PGAP1: variants seen among roughly 807,000 people sequenced by gnomAD.
PGAP1 encodes post-GPI attachment to proteins inositol deacylase 1, also known as GPI inositol-deacylase.
Under a neutral mutation model 127.0 loss-of-function variants are expected in PGAP1, and 76 were observed. The ratio of observed to expected loss-of-function variants is 0.60; its 90% confidence interval spans 0.50 to 0.72. The LOEUF (loss-of-function observed/expected upper bound fraction) is 0.72. PGAP1 is among the 30% of genes least tolerant of loss of function. PGAP1 has a pLI of 0.00. For missense variants in PGAP1, 982 were observed against 1,071.3 expected (o/e 0.92, Z 1.16); for synonymous variants, 362 against 366.5 (o/e 0.99, Z 0.14).
rs761392582 is a variant in PGAP1 at position 196,865,003 on chromosome 2, A to C, written c.1845T>G (p.Tyr615Ter). The C allele has an allele frequency of 6.5e-6, 10 of 1,549,430 alleles. No homozygotes were observed. Among genetic ancestry groups the C allele is most frequent in the Non-Finnish European group, 8.7e-6 (10 of 1,153,922 alleles). ...NILLAYRGQLYSLFSTGCCLE... is the reference protein window; with the variant it reads ...NILLAYRGQL Reference sequence around the variant, plus strand: ...CATTCTTACCTGTTGAGAAAAGAGAATATAACTGTCCTCTATAAGCAAGAA... The same window carrying C: ...CATTCTTACCTGTTGAGAAAAGAGACTATAACTGTCCTCTATAAGCAAGAA... The change falls in exon 20 of 27, where the codon TAT becomes TAG. Residue 615 changes from tyrosine (Y) to a stop codon, truncating the protein, a stop_gained. Transcript: ENST00000354764. LOFTEE classifies it high-confidence loss of function.
At chr2:196,851,545 A>G (rs1272739761) in intron 20 of PGAP1, among the ~76,000 whole-genome samples, 2 of 152,160 alleles carry the variant, frequency 1.3e-5, no homozygotes, top group East Asian at 3.9e-4. Flanking sequence ...TCCCAAATAA[A>G]CATTATTTTC....
At chr2:196,864,772 C>T (rs894574213) in intron 20 of PGAP1, among the ~76,000 whole-genome samples, 2 of 151,944 alleles carry the variant, frequency 1.3e-5, no homozygotes, top group African/African-American at 2.4e-5. Flanking sequence ...AAATCACATG[C>T]TATTTTGGAA....
Position 196,897,166 on chromosome 2 carries a change from C to A in PGAP1, c.892G>T (p.Ala298Ser). ...TCAGCATCAATAAGATCAAAGAATG[C>A]TCGAACTGTAGTCAACTGCAATTGT... is the stretch of plus-strand genomic sequence containing the variant. ...CKQLQLTTVR[A>S]FFDLIDADTK... The change falls in exon 7 of 27, where the codon GCA becomes TCA. Residue 298 changes from alanine to serine, a missense_variant. Physicochemically the swap from Ala to Ser is moderately conservative, Grantham distance 99. Coordinates refer to ENST00000354764, the MANE Select transcript of PGAP1 (RefSeq NM_024989.4). The A allele has an allele frequency of 6.3e-6, 10 of 1,584,448 alleles. No individual in the cohort carries two copies. Among genetic ancestry groups the A allele is most frequent in the South Asian group, 1.2e-5 (1 of 85,678 alleles).
chr2:196,913,253 T>C (rs1702893527), intron 3 of PGAP1, among the ~76,000 whole-genome samples, 200 bp from the exon 4 acceptor site: 1 of 152,194 alleles, frequency 6.6e-6, no homozygotes. Context: ...TGCCAAACAT[T>C]TTTAACAGGT....
intron 10 of PGAP1, 112 bp downstream of exon 10, chr2:196,890,716 T>A: frequency 1.6e-6 from 1 of 629,010 alleles, no homozygotes; most frequent in Non-Finnish European, 2.8e-6. Flanking sequence ...AAATTATTTT[T>A]CAACTACTTA....
At chr2:196,885,645 T>C (rs1701875656) in intron 11 of PGAP1, among the ~76,000 whole-genome samples, 170 bp from the exon 12 acceptor site, 2 of 152,184 alleles carry the variant, frequency 1.3e-5, no homozygotes, top group East Asian at 3.8e-4. Flanking sequence ...AAAAATGTTT[T>C]TCCCAGCTAA....
chr2:196,873,344 C>T lies in PGAP1; in HGVS notation c.1552+184G>A, dbSNP rs563732091. Among the ~76,000 whole-genome samples the T allele has an allele frequency of 7.2e-5, 11 of 151,972 alleles. No individual in the cohort carries two copies. In the East Asian group the frequency reaches 1.9e-3, roughly 27 times the overall value. On this transcript the variant is annotated intron_variant, in intron 16 of 26. Transcript: ENST00000354764. ...ATTTAAACTGAAACAGATAAAAATG[C>T]TTTACTGTTAAGAAAGGGTCTATGT...
At chr2:196,879,308 GTT>G (rs2125805909) in intron 13 of PGAP1, among the ~76,000 whole-genome samples, 1 of 152,250 alleles carries the variant, frequency 6.6e-6, no homozygotes, top group East Asian at 1.9e-4. Context: ...TCTGATTTGT[GTT>G]ATGTGTATTT....
intron 4 of PGAP1, among the ~76,000 whole-genome samples, chr2:196,904,420 A>G (rs1222398238): frequency 6.6e-6 from 1 of 152,196 alleles, no homozygotes; most frequent in Non-Finnish European, 1.5e-5. Flanking sequence ...TCTTAGAAGC[A>G]GGCTTAGGGC....
In PGAP1 at chr2:196,926,697, T is replaced by C; in HGVS notation, c.-81A>G. Reference sequence around the variant, plus strand: ...CGGGGCCCCAAGCCCGGACTGAGCGTGCTAGACACTGTCCGACCGCCACCC... The same window carrying C: ...CGGGGCCCCAAGCCCGGACTGAGCGCGCTAGACACTGTCCGACCGCCACCC... On this transcript the variant is annotated 5_prime_UTR_variant, in exon 1 of 27. Transcript: ENST00000354764. 3 of 1,579,690 alleles carry C rather than the reference T, an allele frequency of 1.9e-6. No individual in the cohort carries two copies. Among genetic ancestry groups the C allele is most frequent in the Non-Finnish European group, 1.7e-6 (2 of 1,161,642 alleles).
chr2:196,903,875 A>G (rs900550290), intron 4 of PGAP1, among the ~76,000 whole-genome samples: 1 of 152,164 alleles, frequency 6.6e-6, no homozygotes, highest in Non-Finnish European at 1.5e-5. Context: ...GATTATCAAA[A>G]TTTAATGCAT....
At chr2:196,907,053 C>A (rs1702744761) in intron 4 of PGAP1, among the ~76,000 whole-genome samples, 1 of 112,592 alleles carries the variant, frequency 8.9e-6, no homozygotes, top group South Asian at 3.9e-4. Flanking sequence ...GAGAACTTCC[C>A]CAATCTAGCA....
At chr2:196,870,502 G>A (rs763977144) in intron 19 of PGAP1, among the ~76,000 whole-genome samples, 7 of 151,978 alleles carry the variant, frequency 4.6e-5, no homozygotes, top group Non-Finnish European at 7.4e-5. Context: ...TCACCAGTTG[G>A]CCAGGCTGGT....
chr2:196,893,859 T>C (rs970070263), intron 7 of PGAP1, among the ~76,000 whole-genome samples: 18 of 152,202 alleles, frequency 1.2e-4, no homozygotes, highest in African/African-American at 4.1e-4. Flanking sequence ...GTGTACTGGG[T>C]ATAAAATCCA....
chr2:196,917,368 A>G (rs1454570197), intron 2 of PGAP1, among the ~76,000 whole-genome samples: 1 of 152,252 alleles, frequency 6.6e-6, no homozygotes, highest in East Asian at 1.9e-4. Context: ...TCACTATATA[A>G]AACTGTAAAA....
At chr2:196,863,265 AT>A (rs879138255) in intron 20 of PGAP1, among the ~76,000 whole-genome samples, 1 of 152,250 alleles carries the variant, frequency 6.6e-6, no homozygotes, top group Non-Finnish European at 1.5e-5. Flanking sequence ...AGATGTCTGC[AT>A]CCCCATGTTT....
chr2:196,842,572 C>T, intron 26 of PGAP1, 149 bp downstream of exon 26: 1 of 364,154 alleles, frequency 2.7e-6, no homozygotes, highest in Non-Finnish European at 5.0e-6. Context: ...ATTAAGAAAA[C>T]AAGTATACTT....
At chr2:196,871,745 G>T (rs1701417757) in intron 18 of PGAP1, among the ~76,000 whole-genome samples, 1 of 152,108 alleles carries the variant, frequency 6.6e-6, no homozygotes, top group Non-Finnish European at 1.5e-5. Context: ...TCCTTGAAAA[G>T]TTAGTTCTAA....
intron 1 of PGAP1, among the ~76,000 whole-genome samples, chr2:196,925,883 C>T (rs1384650345): frequency 6.6e-6 from 1 of 152,048 alleles, no homozygotes; most frequent in African/African-American, 2.4e-5. Context: ...TTCAATGACT[C>T]GCCAGTTTAC....
Sources: allele counts gnomAD v4.1 joint callset (sites outside exome capture counted in the v4.1 genomes callset), GRCh38; gene constraint gnomAD v4.1.1; transcripts MANE v1.5; gene names NCBI Gene and HGNC (gene_info 2026-07-23, HGNC 2026-07-21).